EIF4G3: variants seen among roughly 807,000 people sequenced by gnomAD.
The protein encoded by EIF4G3 is eukaryotic translation initiation factor 4 gamma 3, also known as eIF-4-gamma 3.
EIF4G3 carries 34 observed loss-of-function variants against 186.4 expected under a neutral mutation model. The observed-to-expected ratio is 0.18, with a 90% CI of 0.14 to 0.24. EIF4G3 has a LOEUF of 0.24. EIF4G3 is among the 10% of genes least tolerant of loss of function. The probability of loss-of-function intolerance (pLI) is 1.00; values close to 1 mark genes in which losing one functional copy is unlikely to be tolerated. For synonymous variants in EIF4G3, 673 were observed against 679.5 expected, an observed-to-expected ratio of 0.99 and a Z score of 0.15; for missense variants, 1,536 against 1,948.5, an observed-to-expected ratio of 0.79 and a Z score of 3.99.
intron 5 of EIF4G3, 78 bp downstream of exon 5, chr1:21,002,635 T>C (rs2174689): frequency 0.029 from 40,283 of 1,404,914 alleles, 1,237 homozygotes; most frequent in East Asian, 0.16. Flanking sequence ...GTAAAAATAT[T>C]TGCCAAAGAA....
rs567246673 is a variant in EIF4G3 at position 21,030,269 on chromosome 1, C to T, written c.-67+20597G>A. Among the ~76,000 whole-genome samples the T allele has an allele frequency of 4.6e-5, 7 of 152,272 alleles. No homozygotes were observed. The South Asian group carries it at 1.5e-3, about 32-fold the overall frequency. On this transcript the variant is annotated intron_variant, in intron 4 of 36. Coordinates refer to ENST00000602326, the MANE Select transcript of EIF4G3 (RefSeq NM_001391906.1). ...CACCCAAATCTCATCTTGTAAGCTC[C>T]CATAATTCCCATGTGTTATGGGGGG...
intron 2 of EIF4G3, chr1:21,175,131 A>G (rs530181292): frequency 6.6e-6 from 1 of 152,342 alleles, no homozygotes; most frequent in East Asian, 1.9e-4. Context: ...TCCAATCATT[A>G]TTTATTGATT....
chr1:20,967,439 T>C (rs987341475), intron 12 of EIF4G3, among the ~76,000 whole-genome samples: 2 of 152,212 alleles, frequency 1.3e-5, no homozygotes, highest in African/African-American at 4.8e-5. Context: ...GCTTATCCCA[T>C]GCTCACTTCC....
At chr1:21,136,990 TATG>T (rs1424559908) in intron 2 of EIF4G3, among the ~76,000 whole-genome samples, 1 of 152,158 alleles carries the variant, frequency 6.6e-6, no homozygotes, top group African/African-American at 2.4e-5. Flanking sequence ...ATAATTTTTA[TATG>T]ATGTCTTAAT....
At position 20,860,520 on chromosome 1, in the gene EIF4G3, A is replaced by G. The variant is rs1399847810; in HGVS notation, c.3112-3T>C. On this transcript the variant is annotated splice_region_variant and splice_polypyrimidine_tract_variant and intron_variant, in intron 23 of 36. Transcript: ENST00000602326. ...GCTCTTCGAGATACCCAATTGCACTATAAAAGCAGAAAATAAGGTTATCTG... is the reference window on the plus strand; with the variant it reads ...GCTCTTCGAGATACCCAATTGCACTGTAAAAGCAGAAAATAAGGTTATCTG... The G allele has an allele frequency of 6.2e-7, 1 of 1,610,604 alleles. No homozygotes were observed. Among genetic ancestry groups the G allele is most frequent in the Non-Finnish European group, 8.5e-7 (1 of 1,179,096 alleles).
At chr1:20,918,701 CTT>C (rs35704755) in intron 14 of EIF4G3, among the ~76,000 whole-genome samples, 24,683 of 94,394 alleles carry the variant, frequency 0.26, 3,418 homozygotes, top group Non-Finnish European at 0.35. Flanking sequence ...CTCCTAGTAT[CTT>C]TTTTTTTTTT....
intron 12 of EIF4G3, among the ~76,000 whole-genome samples, chr1:20,963,772 C>T (rs12063105): frequency 6.6e-6 from 1 of 151,802 alleles, no homozygotes; most frequent in Non-Finnish European, 1.5e-5. Flanking sequence ...TGGGTCAACA[C>T]GATGAAACCC....
intron 7 of EIF4G3, among the ~76,000 whole-genome samples, chr1:20,992,130 G>A (rs1033466447): frequency 2.6e-5 from 4 of 152,008 alleles, no homozygotes; most frequent in Non-Finnish European, 5.9e-5. Context: ...AACTCCTTGT[G>A]AATGAGATAC....
chr1:21,067,136 T>TTC (rs1337601363), intron 3 of EIF4G3, among the ~76,000 whole-genome samples: 1 of 148,572 alleles, frequency 6.7e-6, no homozygotes, highest in Non-Finnish European at 1.5e-5. Flanking sequence ...CTTTTCTTTT[T>TTC]TTTTTTTTTT....
intron 3 of EIF4G3, among the ~76,000 whole-genome samples, chr1:21,063,606 A>C (rs1038912128): frequency 6.6e-6 from 1 of 151,154 alleles, no homozygotes; most frequent in African/African-American, 2.4e-5. Context: ...TTTTTTTTTA[A>C]GTGCACAGCA....
At chr1:20,913,742 CTG>C (rs1435131823) in intron 14 of EIF4G3, among the ~76,000 whole-genome samples, 3 of 147,718 alleles carry the variant, frequency 2.0e-5, no homozygotes, top group Non-Finnish European at 4.5e-5. Flanking sequence ...TCTACTTTTT[CTG>C]TGTTTGTTCT....
chr1:21,126,871 T>C (rs1199690786), intron 2 of EIF4G3, among the ~76,000 whole-genome samples: 1 of 152,130 alleles, frequency 6.6e-6, no homozygotes, highest in East Asian at 1.9e-4. Flanking sequence ...ATAAAACCTA[T>C]GCATATCCTC....
chr1:20,896,435 C>CAAAAAAAAAAAA lies in EIF4G3; in HGVS notation c.2000-946_2000-935dup, dbSNP rs201025308. Among the ~76,000 whole-genome samples, 6 of 54,406 alleles carry CAAAAAAAAAAAA rather than the reference C, an allele frequency of 1.1e-4. No individual in the cohort carries two copies. The East Asian group carries it at 1.4e-3, about 13-fold the overall frequency. 35.7% of individuals were successfully genotyped at this position (54,406 alleles called of 152,430 possible). ...TGGGTAACAGAGTGAGATTCTATCTCAAAAAAAAAAAAAAAAAGAAAAAGA... is the reference window on the plus strand; with the variant it reads ...TGGGTAACAGAGTGAGATTCTATCTCAAAAAAAAAAAAAAAAAAAAAAAAAAAAAGAAAAAGA... On this transcript the variant is annotated intron_variant, in intron 16 of 36. Coordinates refer to ENST00000602326, the MANE Select transcript of EIF4G3 (RefSeq NM_001391906.1).
chr1:20,918,599 T>C (rs1226716997), intron 14 of EIF4G3, among the ~76,000 whole-genome samples: 1 of 152,224 alleles, frequency 6.6e-6, no homozygotes, highest in East Asian at 1.9e-4. Flanking sequence ...TCCTAGCATG[T>C]AGTCATTATG....
intron 14 of EIF4G3, among the ~76,000 whole-genome samples, chr1:20,932,671 CAT>C (rs1267497756): frequency 1.3e-5 from 2 of 152,026 alleles, no homozygotes; most frequent in Non-Finnish European, 2.9e-5. Flanking sequence ...TCAGAACATA[CAT>C]ATTTCTCGAT....
At chr1:21,143,930 G>T (rs888926789) in intron 2 of EIF4G3, among the ~76,000 whole-genome samples, 1 of 152,148 alleles carries the variant, frequency 6.6e-6, no homozygotes, top group South Asian at 2.1e-4. Flanking sequence ...TCCAAAAAAA[G>T]AAAAAACTTA....
chr1:20,866,082 T>A (rs10916888), intron 20 of EIF4G3, among the ~76,000 whole-genome samples: 3,966 of 152,312 alleles, frequency 0.026, 168 homozygotes, highest in African/African-American at 0.089. Flanking sequence ...TATTTCATAA[T>A]ATGATACAAC....
chr1:20,864,759 C>T (rs774839970), intron 21 of EIF4G3, 47 bp from the exon 22 acceptor site: 40 of 1,452,484 alleles, frequency 2.8e-5, no homozygotes, highest in Non-Finnish European at 3.8e-5. Flanking sequence ...GAAAGTTGTA[C>T]TGCACAATAA....
At chr1:21,089,312 C>G (rs2096100911) in intron 2 of EIF4G3, 99 bp from the exon 3 acceptor site, 1 of 674,048 alleles carries the variant, frequency 1.5e-6, no homozygotes, top group Admixed American at 2.3e-5. Context: ...TAAGCATTTT[C>G]ACCCAATTAG....
Sources: allele counts gnomAD v4.1 joint callset (sites outside exome capture counted in the v4.1 genomes callset), GRCh38; gene constraint gnomAD v4.1.1; transcripts MANE v1.5; gene names NCBI Gene and HGNC (gene_info 2026-07-23, HGNC 2026-07-21).